PHACTR4: variants seen among roughly 807,000 people sequenced by gnomAD.
The protein encoded by PHACTR4 is protein phosphatase 1, regulatory subunit 124.
In PHACTR4, 51 loss-of-function variants were observed where a neutral mutation model predicts 72.7. The observed-to-expected ratio is 0.70, with a 90% CI of 0.56 to 0.89. The LOEUF is 0.89. Ranked by LOEUF, PHACTR4 falls within the 40% of genes least tolerant of loss-of-function variation. The pLI is 0.00. For missense variants in PHACTR4, 731 were observed against 861.8 expected, an observed-to-expected ratio of 0.85 and a Z score of 1.90; for synonymous variants, 255 against 302.5, an observed-to-expected ratio of 0.84 and a Z score of 1.63.
At position 28,465,955 on chromosome 1, in the gene PHACTR4, A is replaced by G. The variant is rs1659136197; in HGVS notation, c.436+106A>G. 1.5e-5 allele frequency: 18 copies of G among 1,167,064 alleles called. No individual in the cohort carries two copies. The South Asian group carries it at 2.9e-4, about 19-fold the overall frequency. 72.3% of individuals were successfully genotyped at this position (1,167,064 alleles called of 1,614,324 possible). Reference sequence around the variant, plus strand: ...AAAAGTGAAATCTAGAGAGAATTACATTCTCCTTTAACAATACCTTAACTA... The same window carrying G: ...AAAAGTGAAATCTAGAGAGAATTACGTTCTCCTTTAACAATACCTTAACTA... On this transcript the variant is annotated intron_variant, in intron 5 of 13. Transcript: ENST00000373839.
intron 2 of PHACTR4, chr1:28,457,728 T>G: frequency 1.6e-6 from 1 of 641,598 alleles, no homozygotes; most frequent in Non-Finnish European, 1.9e-6. Flanking sequence ...AGTCAACATG[T>G]TAGCTTATCA....
At chr1:28,402,689 A>G (rs1190470451) in intron 1 of PHACTR4, among the ~76,000 whole-genome samples, 2 of 152,188 alleles carry the variant, frequency 1.3e-5, no homozygotes, top group African/African-American at 2.4e-5. Flanking sequence ...GGGTGGTTAC[A>G]GAGGCCATAG....
In PHACTR4 at chr1:28,408,509, G is replaced by A. The variant is rs191357392; in HGVS notation, c.16+1046G>A. On this transcript the variant is annotated intron_variant, in intron 2 of 13. Coordinates refer to ENST00000373839, the MANE Select transcript of PHACTR4 (RefSeq NM_001048183.3). ...GGAAGGCGGAGGTTGCAGTAAGCCG[G>A]GATCATGCCACTGCACTCCAGCCTC... is the stretch of plus-strand genomic sequence containing the variant. Among the ~76,000 whole-genome samples the A allele has an allele frequency of 3.9e-3, 594 of 152,082 alleles. 4 individuals are homozygous for A. Among genetic ancestry groups the A allele is most frequent in the African/African-American group, 0.013 (546 of 41,494 alleles).
chr1:28,369,840 C>G lies in PHACTR4; in HGVS notation c.-39+15C>G. Reference sequence around the variant, plus strand: ...CGGAGATCTGGGTAAGTTCAGCGAGCAAGGGAAAGTGAGCAGGACGCGCTC... The same window carrying G: ...CGGAGATCTGGGTAAGTTCAGCGAGGAAGGGAAAGTGAGCAGGACGCGCTC... On this transcript the variant is annotated intron_variant, in intron 1 of 13. Coordinates refer to ENST00000373839, the MANE Select transcript of PHACTR4 (RefSeq NM_001048183.3). 2.2e-6 allele frequency: 1 copy of G among 446,220 alleles called. No individual in the cohort carries two copies. Among genetic ancestry groups the G allele is most frequent in the South Asian group, 1.6e-5 (1 of 62,968 alleles). 27.6% of individuals were successfully genotyped at this position (446,220 alleles called of 1,614,324 possible). A position where few individuals can be genotyped will look rare whatever the true frequency, so the allele number is the denominator to read the frequency against.
chr1:28,454,603 G>T (rs377695678), intron 2 of PHACTR4, among the ~76,000 whole-genome samples: 2 of 152,156 alleles, frequency 1.3e-5, no homozygotes, highest in Admixed American at 6.6e-5. Context: ...ACCTCTCTCA[G>T]TTACTGATAG....
rs765210285 is a variant in PHACTR4 at position 28,473,577 on chromosome 1, A to C, written c.847A>C (p.Ser283Arg). 1 of 1,611,518 alleles carries C rather than the reference A, an allele frequency of 6.2e-7. No individual in the cohort carries two copies. The highest frequency in any genetic ancestry group is 1.3e-5 in the African/African-American group (1 of 74,868). ...VIAELSQAIN[S>R]GTLLSKPSPP... ...AGCTGAACTGTCCCAAGCAATAAACAGTGGTACATTGTTATCAAAACCGTC... is the reference window on the plus strand; with the variant it reads ...AGCTGAACTGTCCCAAGCAATAAACCGTGGTACATTGTTATCAAAACCGTC... Residue 283 changes from serine to arginine, a missense_variant, in exon 7 of 14, where the codon AGT becomes CGT. Physicochemically the swap from Ser to Arg is moderately radical, Grantham distance 110. Around this residue, in one of 2 missense-constraint regions of PHACTR4, gnomAD observed 621 missense variants for 676.6 expected, o/e 0.92. Coordinates refer to ENST00000373839, the MANE Select transcript of PHACTR4 (RefSeq NM_001048183.3).
intron 1 of PHACTR4, among the ~76,000 whole-genome samples, chr1:28,396,904 G>A (rs1262994015): frequency 1.3e-5 from 2 of 148,200 alleles, no homozygotes; most frequent in Non-Finnish European, 1.5e-5. Context: ...TGTTGGCCAG[G>A]CTGGTCTCAA....
At chr1:28,448,121 G>T (rs1033050619) in intron 2 of PHACTR4, among the ~76,000 whole-genome samples, 1 of 152,136 alleles carries the variant, frequency 6.6e-6, no homozygotes, top group Non-Finnish European at 1.5e-5. Flanking sequence ...TTCCAGCTAG[G>T]TGGGCTTAAA....
chr1:28,466,290 G>T, intron 5 of PHACTR4, 92 bp from the exon 6 acceptor site: 1 of 1,386,050 alleles, frequency 7.2e-7, no homozygotes, highest in Non-Finnish European at 9.9e-7. Flanking sequence ...ATTAATTGGT[G>T]AAATTGGCCA....
At chr1:28,438,654 A>G (rs1240214514) in intron 2 of PHACTR4, among the ~76,000 whole-genome samples, 1 of 152,248 alleles carries the variant, frequency 6.6e-6, no homozygotes, top group Non-Finnish European at 1.5e-5. Context: ...TTATTAATTT[A>G]TCGCTCACAG....
At chr1:28,447,211 C>T (rs551376006) in intron 2 of PHACTR4, among the ~76,000 whole-genome samples, 3 of 151,780 alleles carry the variant, frequency 2.0e-5, no homozygotes, top group Admixed American at 6.6e-5. Context: ...GGGGTTTCGC[C>T]GTATTGGCCA....
At chr1:28,398,278 T>G (rs1653676745) in intron 1 of PHACTR4, among the ~76,000 whole-genome samples, 2 of 152,082 alleles carry the variant, frequency 1.3e-5, no homozygotes, top group South Asian at 4.1e-4. Flanking sequence ...CCTGGAACTT[T>G]GGGAGGCCAA....
At chr1:28,433,700 C>T (rs914114965) in intron 2 of PHACTR4, among the ~76,000 whole-genome samples, 4 of 151,656 alleles carry the variant, frequency 2.6e-5, no homozygotes, top group African/African-American at 7.3e-5. Flanking sequence ...CCAGGTGATC[C>T]GCCCGCCTCG....
intron 8 of PHACTR4, among the ~76,000 whole-genome samples, chr1:28,476,772 C>CTTTGTTTTTTTTTTT (rs1659948009): frequency 1.0e-5 from 1 of 98,438 alleles, no homozygotes; most frequent in African/African-American, 4.9e-5. Context: ...CTAGCCTGTT[C>CTTTGTTTTTTTTTTT]TTTTTTTTTT....
intron 1 of PHACTR4, among the ~76,000 whole-genome samples, chr1:28,405,005 TTTTA>T (rs754796648): frequency 6.6e-6 from 1 of 152,170 alleles, no homozygotes; most frequent in Non-Finnish European, 1.5e-5. Flanking sequence ...TTATTACCTC[TTTTA>T]TTTATTATAG....
rs1661487463 is a variant in PHACTR4, at chr1:28,498,413, G to A, written c.*1864G>A. On this transcript the variant is annotated 3_prime_UTR_variant, in exon 14 of 14. Coordinates refer to ENST00000373839, the MANE Select transcript of PHACTR4 (RefSeq NM_001048183.3). ...CCCTCTTCCACACTATAACCAGTATGGTTGGTGCTGGGGCATTGACTCAGC... is the reference window on the plus strand; with the variant it reads ...CCCTCTTCCACACTATAACCAGTATAGTTGGTGCTGGGGCATTGACTCAGC... 1 of 152,326 alleles carries A rather than the reference G, an allele frequency of 6.6e-6. No individual in the cohort carries two copies. The highest frequency in any genetic ancestry group is 1.5e-5 in the Non-Finnish European group (1 of 68,082). 9.4% of individuals were successfully genotyped at this position (152,326 alleles called of 1,614,324 possible).
chr1:28,387,984 T>C (rs889627785), intron 1 of PHACTR4, among the ~76,000 whole-genome samples: 33 of 152,086 alleles, frequency 2.2e-4, no homozygotes, highest in Non-Finnish European at 4.7e-4. Context: ...CGCCTTGGCC[T>C]CCCAAAGTGC....
At chr1:28,381,818 G>A (rs894745156) in intron 1 of PHACTR4, among the ~76,000 whole-genome samples, 1 of 152,156 alleles carries the variant, frequency 6.6e-6, no homozygotes, top group African/African-American at 2.4e-5. Context: ...TGTTGTCTAG[G>A]TTGGAGTGCA....
chr1:28,380,106 G>A (rs1371244709), intron 1 of PHACTR4, among the ~76,000 whole-genome samples: 1 of 138,358 alleles, frequency 7.2e-6, no homozygotes. Context: ...GCCCAGGCTG[G>A]AGTGCAGTGG....
Sources: allele counts gnomAD v4.1 joint callset (sites outside exome capture counted in the v4.1 genomes callset), GRCh38; gene constraint gnomAD v4.1.1; regional missense constraint gnomAD v4.1.1; transcripts MANE v1.5; gene names NCBI Gene and HGNC (gene_info 2026-07-23, HGNC 2026-07-21).